Variants in HS3ST4 observed in about 807,000 individuals in gnomAD.
HS3ST4 encodes heparan sulfate glucosamine 3-O-sulfotransferase 4.
HS3ST4 carries 17 observed loss-of-function variants against 29.2 expected under a neutral mutation model. The observed-to-expected ratio is 0.58, with a 90% CI of 0.40 to 0.87. The LOEUF is 0.87. Ranked by LOEUF, HS3ST4 falls within the 40% of genes least tolerant of loss-of-function variation. HS3ST4 has a pLI of 0.00. For missense variants in HS3ST4, 627 were observed against 634.5 expected (o/e 0.99, Z 0.13); for synonymous variants, 314 against 285.7 (o/e 1.10, Z -1.00).
intron 1 of HS3ST4, among the ~76,000 whole-genome samples, chr16:25,791,711 G>A (rs1039942992): frequency 2.6e-5 from 4 of 152,042 alleles, no homozygotes; most frequent in African/African-American, 9.7e-5. Flanking sequence ...TTACTAATGT[G>A]TAGAAATACA....
chr16:26,000,950 T>A (rs1368582845), intron 1 of HS3ST4, among the ~76,000 whole-genome samples: 2 of 152,010 alleles, frequency 1.3e-5, no homozygotes, highest in African/African-American at 4.8e-5. Context: ...AATGTCAAAG[T>A]CATAAAAGAT....
intron 1 of HS3ST4, among the ~76,000 whole-genome samples, chr16:25,745,444 C>T (rs1347981668): frequency 6.6e-6 from 1 of 152,142 alleles, no homozygotes; most frequent in Non-Finnish European, 1.5e-5. Context: ...TGTTTTCAGA[C>T]CATCCTTGTT....
chr16:25,750,024 C>G (rs528108204), intron 1 of HS3ST4, among the ~76,000 whole-genome samples: 10 of 152,306 alleles, frequency 6.6e-5, no homozygotes, highest in African/African-American at 2.4e-4. Flanking sequence ...GGTGGAAGGA[C>G]TAGAGCACTA....
chr16:25,811,560 A>G (rs1967042570), intron 1 of HS3ST4, among the ~76,000 whole-genome samples: 1 of 150,416 alleles, frequency 6.6e-6, no homozygotes, highest in South Asian at 2.1e-4. Flanking sequence ...CAGCCTCCCG[A>G]GTAGCTGGGA....
intron 1 of HS3ST4, among the ~76,000 whole-genome samples, chr16:25,758,973 A>T (rs531515481): frequency 2.9e-3 from 90 of 30,652 alleles, no homozygotes; most frequent in African/African-American, 7.5e-3. Flanking sequence ...ACAAAAAACA[A>T]AAAAACAAAA....
In HS3ST4 at chr16:26,090,155, C is replaced by CA. The variant is rs200773737; in HGVS notation, c.735-45450dup. ...CACAACTATATTGTAGATAATTTTA[C>CA]AAAAAAATGAAAGTGGATTCAGATT... On this transcript the variant is annotated intron_variant, in intron 1 of 1. Transcript: ENST00000331351. Among the ~76,000 whole-genome samples the CA allele has an allele frequency of 4.2e-3, 634 of 152,022 alleles. 8 individuals are homozygous for CA. Among genetic ancestry groups the CA allele is most frequent in the African/African-American group, 0.014 (601 of 41,500 alleles).
intron 1 of HS3ST4, among the ~76,000 whole-genome samples, chr16:25,983,173 C>A (rs1969025872): frequency 6.6e-6 from 1 of 152,094 alleles, no homozygotes; most frequent in Non-Finnish European, 1.5e-5. Context: ...CAGATCCTTC[C>A]ACTAGAGAAG....
intron 1 of HS3ST4, among the ~76,000 whole-genome samples, chr16:25,713,859 T>A (rs780525084): frequency 6.6e-5 from 10 of 152,202 alleles, no homozygotes; most frequent in Admixed American, 3.3e-4. Flanking sequence ...AATATGGGTC[T>A]AAGGGATCCA....
intron 1 of HS3ST4, among the ~76,000 whole-genome samples, chr16:25,928,227 T>C (rs1596616892): frequency 2.0e-5 from 3 of 148,480 alleles, no homozygotes; most frequent in African/African-American, 7.5e-5. Flanking sequence ...TAGCCAGGCA[T>C]TGTGGCCTGT....
chr16:25,803,093 T>TCA (rs1966955472), intron 1 of HS3ST4, among the ~76,000 whole-genome samples: 1 of 150,484 alleles, frequency 6.6e-6, no homozygotes, highest in African/African-American at 2.4e-5. Flanking sequence ...GTCTCTTTTC[T>TCA]CACATATATA....
intron 1 of HS3ST4, among the ~76,000 whole-genome samples, chr16:25,903,789 C>T (rs1300689498): frequency 6.7e-6 from 1 of 149,858 alleles, no homozygotes; most frequent in Non-Finnish European, 1.5e-5. Flanking sequence ...CTCCCACATT[C>T]TCTAAACAAT....
chr16:25,858,783 A>G (rs71384854), intron 1 of HS3ST4, among the ~76,000 whole-genome samples: 18,025 of 152,108 alleles, frequency 0.12, 1,187 homozygotes, highest in African/African-American at 0.17. Flanking sequence ...AATTAGTGGT[A>G]TAAATTTTAC....
chr16:26,049,281 G>A (rs1009611312), intron 1 of HS3ST4, among the ~76,000 whole-genome samples: 18 of 151,712 alleles, frequency 1.2e-4, no homozygotes, highest in Non-Finnish European at 1.5e-5. Context: ...GCTGCCGTGG[G>A]TGAAGGCAAG....
chr16:26,018,516 A>T (rs1257913909), intron 1 of HS3ST4, among the ~76,000 whole-genome samples: 1 of 152,346 alleles, frequency 6.6e-6, no homozygotes, highest in African/African-American at 2.4e-5. Context: ...AAGAGACATC[A>T]TGGTTGCCCT....
chr16:25,889,070 C>A (rs1257154773), intron 1 of HS3ST4, among the ~76,000 whole-genome samples: 3 of 152,242 alleles, frequency 2.0e-5, no homozygotes, highest in Middle Eastern at 3.4e-3. Context: ...GCTTTATTGG[C>A]AGTATTTAAC....
intron 1 of HS3ST4, among the ~76,000 whole-genome samples, chr16:25,903,590 A>C (rs1968144448): frequency 6.6e-6 from 1 of 152,056 alleles, no homozygotes; most frequent in Non-Finnish European, 1.5e-5. Context: ...TATTAGAAGC[A>C]AAAGGGAGGA....
intron 1 of HS3ST4, among the ~76,000 whole-genome samples, chr16:25,976,143 A>C (rs1968941078): frequency 6.6e-6 from 1 of 152,178 alleles, no homozygotes; most frequent in Non-Finnish European, 1.5e-5. Flanking sequence ...AATTTTAAAC[A>C]TTTGTCCAGT....
At chr16:25,722,055 G>A (rs1966500736) in intron 1 of HS3ST4, among the ~76,000 whole-genome samples, 1 of 152,152 alleles carries the variant, frequency 6.6e-6, no homozygotes, top group Admixed American at 6.5e-5. Context: ...TTTGTTGTCA[G>A]TGTTCTGTTT....
chr16:25,805,449 CTT>C (rs1342130787), intron 1 of HS3ST4, among the ~76,000 whole-genome samples: 1 of 152,128 alleles, frequency 6.6e-6, no homozygotes, highest in African/African-American at 2.4e-5. Context: ...TTGAGACAGT[CTT>C]TATCTCAGAC....
Sources: gnomAD v4.1 joint callset for allele counts (sites outside exome capture counted in the v4.1 genomes callset) on GRCh38, gnomAD v4.1.1 for gene constraint, MANE v1.5 for transcripts, NCBI Gene and HGNC (gene_info 2026-07-23, HGNC 2026-07-21) for gene names.